The following CCSER1 variants were observed in gnomAD, a reference collection of about 807,000 sequenced individuals.
The protein encoded by CCSER1 is serine-rich coiled-coil domain-containing protein 1.
In CCSER1, 41 loss-of-function variants were observed where a neutral mutation model predicts 82.0. The ratio of observed to expected loss-of-function variants is 0.50; its 90% CI spans 0.39 to 0.65. CCSER1 has a LOEUF of 0.65. CCSER1 is among the 30% of genes least tolerant of loss of function. The pLI is 0.00. For synonymous variants in CCSER1, 414 were observed against 383.9 expected, an observed-to-expected ratio of 1.08 and a Z score of -0.92; for missense variants, 1,119 against 1,064.2, an observed-to-expected ratio of 1.05 and a Z score of -0.72.
At chr4:90,740,813 A>G (rs1457180074) in intron 7 of CCSER1, among the ~76,000 whole-genome samples, 2 of 152,052 alleles carry the variant, frequency 1.3e-5, no homozygotes, top group Non-Finnish European at 2.9e-5. Context: ...TCTTTGTAAA[A>G]TGGCTTATTT....
At chr4:90,872,500 A>G (rs1317722215) in intron 8 of CCSER1, among the ~76,000 whole-genome samples, 1 of 151,996 alleles carries the variant, frequency 6.6e-6, no homozygotes, top group Non-Finnish European at 1.5e-5. Flanking sequence ...ATGAATAAAA[A>G]TTATACTGTA....
chr4:91,246,786 A>G (rs1355108286), intron 10 of CCSER1, among the ~76,000 whole-genome samples: 1 of 151,680 alleles, frequency 6.6e-6, no homozygotes, highest in Non-Finnish European at 1.5e-5. Context: ...CTGTGTACTC[A>G]GAAAATTTAA....
rs28450749 is a variant in CCSER1, at chr4:90,379,696, C to T, written c.1510-20340C>T. ...AATGGCAATTTAACTTCTACAGACA[C>T]TGGGATATATATGATATGGTATAAG... On this transcript the variant is annotated intron_variant, in intron 3 of 10. Coordinates refer to ENST00000509176, the MANE Select transcript of CCSER1 (RefSeq NM_001145065.2). 1.9e-3 allele frequency among the ~76,000 whole-genome samples: 293 copies of T among 152,164 alleles called. 1 individual carries two copies. The highest frequency in any genetic ancestry group is 7.0e-3 in the African/African-American group (289 of 41,524).
intron 10 of CCSER1, among the ~76,000 whole-genome samples, chr4:91,499,084 T>C (rs1227089815): frequency 6.6e-6 from 1 of 151,964 alleles, no homozygotes; most frequent in Non-Finnish European, 1.5e-5. Context: ...CTTAAACCCA[T>C]GAATGGAAAG....
In CCSER1 at chr4:90,551,518, A is replaced by G. The variant is rs540685044; in HGVS notation, c.1725-76507A>G. 5.9e-5 allele frequency among the ~76,000 whole-genome samples: 9 copies of G among 151,732 alleles called. No individual in the cohort carries two copies. The South Asian group carries it at 6.3e-4, about 11-fold the overall frequency. ...GCACCTAAGCATTTTTCATGTCTCAATTGGTCCCCTGTGCATCCTTTAGGT... is the reference window on the plus strand; with the variant it reads ...GCACCTAAGCATTTTTCATGTCTCAGTTGGTCCCCTGTGCATCCTTTAGGT... On this transcript the variant is annotated intron_variant, in intron 5 of 10. Coordinates refer to ENST00000509176, the MANE Select transcript of CCSER1 (RefSeq NM_001145065.2).
intron 9 of CCSER1, among the ~76,000 whole-genome samples, chr4:90,938,248 G>A (rs938464572): frequency 6.6e-6 from 1 of 151,952 alleles, no homozygotes; most frequent in African/African-American, 2.4e-5. Flanking sequence ...TACTTTGGAT[G>A]GTGACTACGG....
At chr4:90,914,376 A>T (rs1726945294) in intron 8 of CCSER1, among the ~76,000 whole-genome samples, 1 of 152,172 alleles carries the variant, frequency 6.6e-6, no homozygotes, top group Non-Finnish European at 1.5e-5. Flanking sequence ...AAACTGAACA[A>T]CCTGCTCCTG....
chr4:90,621,986 T>A (rs1722404856), intron 5 of CCSER1, among the ~76,000 whole-genome samples: 1 of 152,246 alleles, frequency 6.6e-6, no homozygotes, highest in Admixed American at 6.5e-5. Flanking sequence ...TTGCTTTCTT[T>A]CATATGGCAC....
At chr4:90,290,521 G>A (rs531213506) in intron 1 of CCSER1, among the ~76,000 whole-genome samples, 1 of 151,700 alleles carries the variant, frequency 6.6e-6, no homozygotes, top group South Asian at 2.1e-4. Context: ...ATTTTATTTT[G>A]AATCACAAAA....
Position 90,297,415 on chromosome 4 carries a change from G to A in CCSER1, c.-41-10829G>A, listed in dbSNP as rs1579027435. ...TGGGCTGAGACAGTGGGGTTTTCTA[G>A]ATATATAATCATGTCATCTGCAAAC... On this transcript the variant is annotated intron_variant, in intron 1 of 10. Transcript: ENST00000509176. 3.3e-5 allele frequency among the ~76,000 whole-genome samples: 5 copies of A among 151,998 alleles called. 1 individual carries two copies. Among genetic ancestry groups the A allele is most frequent in the African/African-American group, 1.2e-4 (5 of 41,356 alleles).
At chr4:90,337,972 G>C (rs1310924180) in intron 3 of CCSER1, among the ~76,000 whole-genome samples, 3 of 152,114 alleles carry the variant, frequency 2.0e-5, no homozygotes, top group Non-Finnish European at 4.4e-5. Context: ...TAGATATGTT[G>C]TTCGAAAAGG....
At chr4:90,329,511 A>G (rs974034027) in intron 3 of CCSER1, among the ~76,000 whole-genome samples, 4 of 152,150 alleles carry the variant, frequency 2.6e-5, no homozygotes, top group African/African-American at 9.6e-5. Context: ...GTATATCTTT[A>G]CCATGACAGT....
rs1312158718 is a variant in CCSER1 at position 91,153,558 on chromosome 4, C to T, written c.2217+67564C>T. On this transcript the variant is annotated intron_variant, in intron 10 of 10. Coordinates refer to ENST00000509176, the MANE Select transcript of CCSER1 (RefSeq NM_001145065.2). ...CCATCCAGCTTTGTCCTGTTGCTGG[C>T]AAGGAGCTGCATTCCTTTGAAGGCA... Among the ~76,000 whole-genome samples the T allele has an allele frequency of 1.3e-5, 2 of 151,980 alleles. 1 individual carries two copies. Among genetic ancestry groups the T allele is most frequent in the Non-Finnish European group, 2.9e-5 (2 of 67,934 alleles).
chr4:91,507,068 A>G (rs914046990), intron 10 of CCSER1, among the ~76,000 whole-genome samples: 2 of 152,190 alleles, frequency 1.3e-5, no homozygotes, highest in African/African-American at 4.8e-5. Context: ...ACTTTTTACT[A>G]TTATGAACGA....
At chr4:90,605,995 G>C (rs1439153467) in intron 5 of CCSER1, among the ~76,000 whole-genome samples, 3 of 151,864 alleles carry the variant, frequency 2.0e-5, no homozygotes, top group Admixed American at 2.0e-4. Flanking sequence ...TTAAAAAGAG[G>C]TACTATATTT....
intron 5 of CCSER1, among the ~76,000 whole-genome samples, chr4:90,510,409 G>T (rs897422776): frequency 2.0e-5 from 3 of 152,082 alleles, no homozygotes. Flanking sequence ...AAACAAGTGA[G>T]AATTAAAGTA....
At chr4:91,057,777 C>T (rs1455810154) in intron 9 of CCSER1, among the ~76,000 whole-genome samples, 1 of 152,012 alleles carries the variant, frequency 6.6e-6, no homozygotes, top group Non-Finnish European at 1.5e-5. Context: ...TCATTTTATG[C>T]AATTAGAATG....
chr4:91,418,759 G>T (rs1753525497), intron 10 of CCSER1, among the ~76,000 whole-genome samples: 1 of 151,846 alleles, frequency 6.6e-6, no homozygotes, highest in African/African-American at 2.4e-5. Flanking sequence ...AAGTATTAAA[G>T]ACAAAAGCTT....
intron 10 of CCSER1, among the ~76,000 whole-genome samples, chr4:91,546,332 A>G (rs1761887397): frequency 6.6e-6 from 1 of 152,084 alleles, no homozygotes; most frequent in South Asian, 2.1e-4. Context: ...GAAATTATAG[A>G]TAATTGGTAT....
Sources: gnomAD v4.1 joint callset for allele counts (sites outside exome capture counted in the v4.1 genomes callset) on GRCh38, gnomAD v4.1.1 for gene constraint, MANE v1.5 for transcripts, NCBI Gene and HGNC (gene_info 2026-07-23, HGNC 2026-07-21) for gene names.